The following LARGE1 variants were observed in gnomAD, a reference collection of about 807,000 sequenced individuals.
LARGE1 encodes the protein LARGE xylosyl- and glucuronyltransferase 1, also known as xylosyl- and glucuronyltransferase LARGE1.
Under a neutral mutation model 87.6 loss-of-function variants are expected in LARGE1, and 43 were observed. The observed-to-expected ratio is 0.49, with a 90% CI of 0.38 to 0.63. LARGE1 has a LOEUF of 0.63. LARGE1 is among the 30% of genes least tolerant of loss of function. The pLI, the probability that LARGE1 is intolerant of heterozygous loss-of-function variation, is 0.00. For synonymous variants in LARGE1, 434 were observed against 394.6 expected (o/e 1.10, Z -1.18); for missense variants, 802 against 1,000.2 (o/e 0.80, Z 2.67).
intron 11 of LARGE1, among the ~76,000 whole-genome samples, chr22:33,312,226 G>A (rs759026728): frequency 1.7e-4 from 26 of 152,086 alleles, no homozygotes; most frequent in Admixed American, 4.6e-4. Flanking sequence ...GGCAGATCAC[G>A]AAGTCAAGAG....
the LARGE1 span, among the ~76,000 whole-genome samples, chr22:33,101,081 G>A: frequency 1.3e-5 from 2 of 152,158 alleles, no homozygotes; most frequent in Admixed American, 6.5e-5. Context: ...CTGACCTGAG[G>A]TGATCCGCCT....
chr22:33,387,392 C>A (rs1488109409), intron 7 of LARGE1, among the ~76,000 whole-genome samples: 1 of 145,102 alleles, frequency 6.9e-6, no homozygotes, highest in East Asian at 2.0e-4. Flanking sequence ...GCACCACTGT[C>A]CTCCAGTGGG....
chr22:33,481,220 TAC>T lies in LARGE1; in HGVS notation c.788-48957_788-48956del, dbSNP rs71785834. On this transcript the variant is annotated intron_variant, in intron 6 of 14. Transcript: ENST00000397394. Reference sequence around the variant, plus strand: ...CCTTTATTATCATTGGCACTATAGATACACACACACACACACACACACACGTA... The same window carrying T: ...CCTTTATTATCATTGGCACTATAGATACACACACACACACACACACACGTA... 8.1e-3 allele frequency among the ~76,000 whole-genome samples: 1,183 copies of T among 146,306 alleles called. 11 individuals are homozygous for T. Among genetic ancestry groups the T allele is most frequent in the African/African-American group, 0.019 (776 of 39,878 alleles).
At chr22:33,605,914 G>A (rs78107640) in intron 4 of LARGE1, among the ~76,000 whole-genome samples, 6,783 of 152,242 alleles carry the variant, frequency 0.045, 356 homozygotes, top group African/African-American at 0.12. Flanking sequence ...GGACGTGTAA[G>A]AGGAGAGGGA....
chr22:33,312,974 C>T (rs1263665487), intron 11 of LARGE1, among the ~76,000 whole-genome samples: 1 of 152,090 alleles, frequency 6.6e-6, no homozygotes, highest in Admixed American at 6.6e-5. Context: ...GCCAAAGGGA[C>T]CTGAGAATTT....
chr22:33,108,541 G>A, the LARGE1 span: 6 of 152,150 alleles, frequency 3.9e-5, no homozygotes, highest in African/African-American at 1.2e-4. Context: ...CCCTGTGCAC[G>A]GTGGGGCAGG....
At chr22:33,381,564 A>G (rs1423657003) in intron 9 of LARGE1, among the ~76,000 whole-genome samples, 3 of 152,114 alleles carry the variant, frequency 2.0e-5, no homozygotes, top group Non-Finnish European at 4.4e-5. Context: ...TTAATTATTC[A>G]CATCCACATC....
chr22:33,318,834 T>G (rs1465424146), intron 10 of LARGE1, among the ~76,000 whole-genome samples: 2 of 152,036 alleles, frequency 1.3e-5, no homozygotes, highest in Non-Finnish European at 2.9e-5. Flanking sequence ...TATCACACGA[T>G]AGAATACAGA....
At chr22:33,548,697 G>C (rs527545343) in intron 6 of LARGE1, among the ~76,000 whole-genome samples, 2 of 152,330 alleles carry the variant, frequency 1.3e-5, no homozygotes, top group African/African-American at 4.8e-5. Context: ...TTATAGGCAC[G>C]AGCCATCATA....
chr22:33,418,197 T>G (rs2066569487), intron 7 of LARGE1, among the ~76,000 whole-genome samples: 3 of 152,150 alleles, frequency 2.0e-5, no homozygotes, highest in African/African-American at 7.2e-5. Flanking sequence ...TCCACCCGCC[T>G]CGGCCTCCCA....
intron 11 of LARGE1, among the ~76,000 whole-genome samples, chr22:33,228,457 C>A (rs1925844458): frequency 6.6e-6 from 1 of 152,208 alleles, no homozygotes; most frequent in Non-Finnish European, 1.5e-5. Context: ...CTTAAGTGAA[C>A]CCTGCAAACT....
At chr22:33,192,033 T>C (rs911082205) in intron 11 of LARGE1, among the ~76,000 whole-genome samples, 1 of 152,216 alleles carries the variant, frequency 6.6e-6, no homozygotes, top group African/African-American at 2.4e-5. Flanking sequence ...ATACTTCTTA[T>C]TTTCCAACCC....
intron 11 of LARGE1, among the ~76,000 whole-genome samples, chr22:33,224,273 A>G (rs1925612627): frequency 6.6e-6 from 1 of 151,758 alleles, no homozygotes; most frequent in African/African-American, 2.4e-5. Context: ...CTCAAAAGAA[A>G]AAGAAAAGAA....
chr22:33,411,181 C>G (rs999029934), intron 7 of LARGE1, among the ~76,000 whole-genome samples: 1 of 152,162 alleles, frequency 6.6e-6, no homozygotes, highest in African/African-American at 2.4e-5. Context: ...CAGAGTAGGG[C>G]AGACACATTT....
At chr22:33,454,315 T>C (rs1286234155) in intron 6 of LARGE1, among the ~76,000 whole-genome samples, 1 of 151,912 alleles carries the variant, frequency 6.6e-6, no homozygotes, top group African/African-American at 2.4e-5. Flanking sequence ...ACTAGGTAAA[T>C]TATAAGAAAA....
At chr22:33,202,434 T>C (rs1430367223) in intron 11 of LARGE1, among the ~76,000 whole-genome samples, 1 of 152,212 alleles carries the variant, frequency 6.6e-6, no homozygotes, top group Non-Finnish European at 1.5e-5. Context: ...ATAGGCCAGC[T>C]TGGCCATCTT....
At chr22:33,358,484 C>CT (rs1367182533) in intron 9 of LARGE1, among the ~76,000 whole-genome samples, 16 of 152,278 alleles carry the variant, frequency 1.1e-4, no homozygotes, top group Middle Eastern at 3.4e-3. Context: ...TGACACAACT[C>CT]TAACTATTAT....
At chr22:33,810,376 T>A (rs1469957541) in intron 1 of LARGE1, among the ~76,000 whole-genome samples, 1 of 152,132 alleles carries the variant, frequency 6.6e-6, no homozygotes, top group Non-Finnish European at 1.5e-5. Flanking sequence ...AAAATCTCCC[T>A]CTTGACTCCC....
At chr22:33,283,449 G>T in intron 12 of LARGE1, 101 bp from the exon 13 acceptor site, 1 of 1,314,692 alleles carries the variant, frequency 7.6e-7, no homozygotes, top group Non-Finnish European at 1.1e-6. Flanking sequence ...GGAAGTGTGG[G>T]AAAGAAAGCT....
Sources: allele counts gnomAD v4.1 joint callset (sites outside exome capture counted in the v4.1 genomes callset), GRCh38; gene constraint gnomAD v4.1.1; transcripts MANE v1.5; gene names NCBI Gene and HGNC (gene_info 2026-07-23, HGNC 2026-07-21).